RBFOX1: variants seen among roughly 807,000 people sequenced by gnomAD.
RBFOX1 encodes the protein RNA binding fox-1 homolog 1.
In RBFOX1, 8 loss-of-function variants were observed where a neutral mutation model predicts 57.7. That is an observed-to-expected ratio of 0.14 (90% CI 0.08 to 0.25). RBFOX1 has a LOEUF of 0.25. RBFOX1 is among the 10% of genes least tolerant of loss of function. The pLI is 1.00. For missense variants in RBFOX1, 611 were observed against 548.5 expected (o/e 1.11, Z -1.14); for synonymous variants, 326 against 222.4 (o/e 1.47, Z -4.15).
intron 4 of RBFOX1, among the ~76,000 whole-genome samples, chr16:7,300,235 A>T (rs555767563): frequency 3.3e-5 from 5 of 151,828 alleles, no homozygotes; most frequent in African/African-American, 1.2e-4. Flanking sequence ...CACCCACTAG[A>T]ATGTAAACTG....
intron 1 of RBFOX1, among the ~76,000 whole-genome samples, chr16:6,248,154 G>A (rs367635566): frequency 2.6e-5 from 4 of 152,146 alleles, no homozygotes; most frequent in South Asian, 2.1e-4. Context: ...CTTAAGTTGC[G>A]CCTGTTTAGT....
intron 2 of RBFOX1, among the ~76,000 whole-genome samples, chr16:6,556,902 G>A (rs1461541198): frequency 6.6e-6 from 1 of 151,246 alleles, no homozygotes; most frequent in Admixed American, 6.6e-5. Context: ...TTAACTGGAT[G>A]ATCACAGAGT....
chr16:6,723,781 T>TA (rs2066523011), intron 3 of RBFOX1: 1 of 152,136 alleles, frequency 6.6e-6, no homozygotes, highest in African/African-American at 2.4e-5. Context: ...GAGGCTCCCC[T>TA]AGACTTCTGG....
At chr16:7,394,587 C>T (rs908610100) in intron 4 of RBFOX1, among the ~76,000 whole-genome samples, 1 of 152,188 alleles carries the variant, frequency 6.6e-6, no homozygotes, top group African/African-American at 2.4e-5. Flanking sequence ...GGTCCAGGGT[C>T]ATAGCCTCTC....
chr16:6,568,866 T>G (rs1185098220), intron 2 of RBFOX1, among the ~76,000 whole-genome samples: 2 of 152,094 alleles, frequency 1.3e-5, no homozygotes, highest in Non-Finnish European at 2.9e-5. Flanking sequence ...CCTCCTGGGT[T>G]TAAGCGATTA....
At chr16:5,769,232 C>A (rs934965872) in intron 3 of RBFOX1, among the ~76,000 whole-genome samples, 2 of 152,042 alleles carry the variant, frequency 1.3e-5, no homozygotes, top group Admixed American at 1.3e-4. Flanking sequence ...AGTCCTAACC[C>A]CAGCTACCTT....
intron 2 of RBFOX1, among the ~76,000 whole-genome samples, chr16:6,556,693 A>G (rs761247569): frequency 6.6e-6 from 1 of 152,228 alleles, no homozygotes; most frequent in Non-Finnish European, 1.5e-5. Flanking sequence ...CATGATATAG[A>G]GAATTAAATG....
chr16:7,155,497 A>T (rs1013748841), intron 4 of RBFOX1, among the ~76,000 whole-genome samples: 9 of 151,576 alleles, frequency 5.9e-5, no homozygotes, highest in Non-Finnish European at 1.0e-4. Context: ...TTGGGAGGCT[A>T]AAATGGGAGG....
chr16:5,929,015 T>C (rs960108525), intron 4 of RBFOX1, among the ~76,000 whole-genome samples: 2 of 145,030 alleles, frequency 1.4e-5, no homozygotes, highest in African/African-American at 5.2e-5. Context: ...TCAAAGTGTT[T>C]AAAGCTTCTT....
chr16:5,752,700 G>A (rs1401961451), intron 3 of RBFOX1, among the ~76,000 whole-genome samples: 1 of 152,168 alleles, frequency 6.6e-6, no homozygotes, highest in Non-Finnish European at 1.5e-5. Flanking sequence ...CTCTTAGGAG[G>A]TGAGGGCGTA....
At chr16:5,366,194 C>T (rs1287524179) in intron 1 of RBFOX1, 3 of 420,030 alleles carry the variant, frequency 7.1e-6, no homozygotes, top group Non-Finnish European at 1.4e-5. Context: ...ATATGAAACT[C>T]TTAAGTATAT....
At chr16:7,594,053 G>A (rs1434278358) in intron 7 of RBFOX1, among the ~76,000 whole-genome samples, 1 of 152,098 alleles carries the variant, frequency 6.6e-6, no homozygotes, top group Non-Finnish European at 1.5e-5. Context: ...GTATACGTGT[G>A]CCATATTGGT....
intron 4 of RBFOX1, among the ~76,000 whole-genome samples, chr16:7,313,630 T>C (rs2096371723): frequency 1.3e-5 from 2 of 152,048 alleles, no homozygotes; most frequent in Non-Finnish European, 2.9e-5. Context: ...AATAATGAAA[T>C]AATCAATAAC....
At chr16:5,603,578 C>T (rs1292178303), downstream of RBFOX1, among the ~76,000 whole-genome samples, 1 of 152,216 alleles carries the variant, frequency 6.6e-6, no homozygotes, top group Non-Finnish European at 1.5e-5. Context: ...ATTACTTGTG[C>T]AAGTCCTGTT....
intron 3 of RBFOX1, among the ~76,000 whole-genome samples, chr16:5,822,172 G>A (rs908961185): frequency 2.6e-5 from 4 of 152,200 alleles, no homozygotes; most frequent in African/African-American, 9.7e-5. Context: ...TCTAAGTGAA[G>A]TAACTCAGGA....
chr16:6,609,037 C>T (rs1403602937), intron 2 of RBFOX1, among the ~76,000 whole-genome samples: 1 of 152,166 alleles, frequency 6.6e-6, no homozygotes. Flanking sequence ...GTCTCCCTCT[C>T]CCATATTTGA....
intron 4 of RBFOX1, among the ~76,000 whole-genome samples, chr16:7,122,853 A>G (rs928255038): frequency 1.3e-5 from 2 of 152,206 alleles, no homozygotes; most frequent in Non-Finnish European, 2.9e-5. Flanking sequence ...TACACGTGGA[A>G]TACTACTGAA....
intron 3 of RBFOX1, among the ~76,000 whole-genome samples, chr16:5,810,764 G>A (rs2055395067): frequency 1.3e-5 from 2 of 152,152 alleles, no homozygotes; most frequent in African/African-American, 4.8e-5. Flanking sequence ...TGAGCCTCCT[G>A]CTTTGGTAGC....
chr16:7,128,785 G>C (rs2069336909), intron 4 of RBFOX1, among the ~76,000 whole-genome samples: 1 of 149,118 alleles, frequency 6.7e-6, no homozygotes, highest in Non-Finnish European at 1.5e-5. Context: ...TTGGTAATCT[G>C]TCTGACATAA....
Sources: allele counts gnomAD v4.1 joint callset (sites outside exome capture counted in the v4.1 genomes callset), GRCh38; gene constraint gnomAD v4.1.1; transcripts MANE v1.5; gene names NCBI Gene and HGNC (gene_info 2026-07-23, HGNC 2026-07-21).